The following UBA7 variants were observed in gnomAD, a reference collection of about 807,000 sequenced individuals.
The protein encoded by UBA7 is ubiquitin like modifier activating enzyme 7.
UBA7 carries 88 observed loss-of-function variants against 113.0 expected under a neutral mutation model. That is an observed-to-expected ratio of 0.78 (90% CI 0.66 to 0.93). The LOEUF (loss-of-function observed/expected upper bound fraction) is 0.93, where lower values mean the gene tolerates loss of function less well. UBA7 is among the 40% of genes least tolerant of loss of function. UBA7 has a pLI of 0.00. For missense variants in UBA7, 1,092 were observed against 1,266.4 expected, an observed-to-expected ratio of 0.86 and a Z score of 2.09; for synonymous variants, 459 against 513.0, an observed-to-expected ratio of 0.89 and a Z score of 1.42.
rs766684691 is a variant in UBA7 at position 49,809,758 on chromosome 3, C to T, written c.1905-33G>A. On this transcript the variant is annotated intron_variant, in intron 15 of 23. Transcript: ENST00000333486. ...GAGAGGAGGAAGTGTGAGACTGAGT[C>T]CTGCAGACTCATGCTTGGAGCCCTG... The T allele has an allele frequency of 2.8e-5, 45 of 1,613,948 alleles. 2 individuals carry two copies. The Middle Eastern group carries it at 4.9e-4, about 18-fold the overall frequency.
rs1393825445 is a variant in UBA7, at chr3:49,810,288, A to C, written c.1608T>G (p.Ala536=). The C allele has an allele frequency of 2.5e-6, 4 of 1,613,978 alleles. No homozygotes were observed. The African/African-American group carries it at 5.3e-5, about 22-fold the overall frequency. Residue 536 remains alanine, a synonymous_variant, in exon 13 of 24, where the codon GCT becomes GCG. Transcript: ENST00000333486. The surrounding 1 kb of genome is among the most constrained non-coding windows in gnomAD (Gnocchi z 5.6). ...GGGCCTGGAAACTGTCCAGGGCAGC[A>C]GCCACACCATCCACACGGGAGAAAA... ...DNFFSRVDGV[A]AALDSFQARR...
Position 49,806,173 on chromosome 3 carries a change from G to A in UBA7, c.2716-8C>T, listed in dbSNP as rs779494497. 6.3e-7 allele frequency: 1 copy of A among 1,584,830 alleles called. No homozygotes were observed. The highest frequency in any genetic ancestry group is 8.6e-7 in the Non-Finnish European group (1 of 1,165,820). On this transcript the variant is annotated splice_region_variant and splice_polypyrimidine_tract_variant and intron_variant, in intron 21 of 23. Transcript: ENST00000333486. ...CCACTTCAGGTGATGGAACTGGGAT[G>A]AGGTAGAGGAGGAGTCAGAGACTTC...
rs1247509020 is a variant in UBA7, at chr3:49,807,625, C to T, written c.2715+111G>A. On this transcript the variant is annotated intron_variant, in intron 21 of 23. Transcript: ENST00000333486. The surrounding 1 kb of genome is among the most constrained non-coding windows in gnomAD (Gnocchi z 4.0). The stretch of plus-strand genomic sequence containing the variant: ...GGGCTGGAGGGAGTCTTCAGGACTT[C>T]TGCACAGTCTGAGTTTCAGTGAGAG... 4 of 1,371,474 alleles carry T rather than the reference C, an allele frequency of 2.9e-6. No homozygotes were observed. Among genetic ancestry groups the T allele is most frequent in the Non-Finnish European group, 3.9e-6 (4 of 1,016,458 alleles). 85.0% of individuals were successfully genotyped at this position (1,371,474 alleles called of 1,614,324 possible). A position where few individuals can be genotyped will look rare whatever the true frequency, so the allele number is the denominator to read the frequency against.
At chr3:49,813,007 C>G in intron 4 of UBA7, 55 bp downstream of exon 4, 1 of 1,578,694 alleles carries the variant, frequency 6.3e-7, no homozygotes, top group Non-Finnish European at 8.6e-7. Flanking sequence ...CTGAGGACAG[C>G]ATGAGGCCAG....
In UBA7 at chr3:49,808,109, C is replaced by T. The variant is rs1474236678; in HGVS notation, c.2434G>A (p.Asp812Asn). ...AAGTCCACATGGAAGTTGCTGTCAT[C>T]ATCCTGTAAGGCCCAAGTCAAAGTA... is the stretch of plus-strand genomic sequence containing the variant. ...PLKPLMFEKD[D>N]DSNFHVDFVV... Residue 812 changes from aspartate (D) to asparagine (N), a missense_variant, in exon 20 of 24, where the codon GAT becomes AAT. Physicochemically the swap from Asp to Asn is conservative, Grantham distance 23. Coordinates refer to ENST00000333486, the MANE Select transcript of UBA7 (RefSeq NM_003335.3). 1 of 1,613,920 alleles carries T rather than the reference C, an allele frequency of 6.2e-7. No homozygotes were observed. Among genetic ancestry groups the T allele is most frequent in the East Asian group, 2.2e-5 (1 of 44,876 alleles).
chr3:49,809,385 C>T lies in UBA7; in HGVS notation c.2163+5G>A, dbSNP rs367942532. On this transcript the variant is annotated splice_donor_5th_base_variant and intron_variant, in intron 17 of 23. Coordinates refer to ENST00000333486, the MANE Select transcript of UBA7 (RefSeq NM_003335.3). ...TCTTGGAGCTCCCTACAGAATCCCA[C>T]TCACTTGGTTGGTGTCAAACTCCAA... 3.7e-6 allele frequency: 6 copies of T among 1,613,746 alleles called. No homozygotes were observed. Among genetic ancestry groups the T allele is most frequent in the Non-Finnish European group, 5.1e-6 (6 of 1,179,830 alleles).
chr3:49,806,189 C>T (rs373230446), intron 21 of UBA7, 24 bp from the exon 22 acceptor site: 1 of 1,562,646 alleles, frequency 6.4e-7, no homozygotes, highest in Non-Finnish European at 8.7e-7. Flanking sequence ...GAGGAGGAGT[C>T]AGAGACTTCT....
At position 49,809,688 on chromosome 3, in the gene UBA7, T is replaced by C. The variant is rs767125481; in HGVS notation, c.1942A>G (p.Thr648Ala). 1 of 1,614,052 alleles carries C rather than the reference T, an allele frequency of 6.2e-7. No homozygotes were observed. The highest frequency in any genetic ancestry group is 1.7e-5 in the Admixed American group (1 of 60,016). ...TSLADMDEPQ[T>A]LTLLKPVLGV... Reference sequence around the variant, plus strand: ...AGCACTGGCTTCAGTAAGGTGAGTGTCTGTGGCTCATCCATGTCTGCCAGG... The same window carrying C: ...AGCACTGGCTTCAGTAAGGTGAGTGCCTGTGGCTCATCCATGTCTGCCAGG... Residue 648 changes from threonine to alanine, a missense_variant, in exon 16 of 24, where the codon ACA becomes GCA. Around this residue, in one of 3 missense-constraint regions of UBA7, gnomAD observed 500 missense variants for 529.3 expected, o/e 0.94. Coordinates refer to ENST00000333486, the MANE Select transcript of UBA7 (RefSeq NM_003335.3).
chr3:49,811,523 G>T (rs1379894377), intron 8 of UBA7, 68 bp from the exon 9 acceptor site: 1 of 1,536,732 alleles, frequency 6.5e-7, no homozygotes, highest in East Asian at 2.4e-5. Context: ...AATCCTTCCA[G>T]CCACCCTCCA....
At chr3:49,809,332 A>G (rs998387141) in intron 17 of UBA7, 58 bp downstream of exon 17, 8 of 1,588,566 alleles carry the variant, frequency 5.0e-6, no homozygotes, top group African/African-American at 1.3e-5. Context: ...AGAAATGCCT[A>G]CCTCTGCTCT....
At chr3:49,811,600 G>A (rs1336419833) in intron 8 of UBA7, 145 bp from the exon 9 acceptor site, 3 of 1,246,382 alleles carry the variant, frequency 2.4e-6, no homozygotes, top group African/African-American at 1.5e-5. Context: ...CTGCCAGCCT[G>A]CACAGCACCA....
In UBA7 at chr3:49,808,002, C is replaced by T; in HGVS notation, c.2523+18G>A. ...TTGCCCTCCACCTCCAGGCCCAAGCCTCAAGGGGTGGGGTTACCTGGGCAC... is the reference window on the plus strand; with the variant it reads ...TTGCCCTCCACCTCCAGGCCCAAGCTTCAAGGGGTGGGGTTACCTGGGCAC... On this transcript the variant is annotated intron_variant, in intron 20 of 23. Transcript: ENST00000333486. The T allele has an allele frequency of 2.5e-6, 4 of 1,614,134 alleles. No homozygotes were observed. The highest frequency in any genetic ancestry group is 3.4e-6 in the Non-Finnish European group (4 of 1,179,988).
rs2081473143 is a variant in UBA7, at chr3:49,807,534, G to A, written c.2715+202C>T. ...AGATCCTGGGCTTTGGAGGATTGGG[G>A]GTGGGGATGGCTGACGGCTGCTTCC... On this transcript the variant is annotated intron_variant, in intron 21 of 23. Transcript: ENST00000333486. The surrounding 1 kb of genome is among the most constrained non-coding windows in gnomAD (Gnocchi z 4.0). Among the ~76,000 whole-genome samples, 1 of 152,196 alleles carries A rather than the reference G, an allele frequency of 6.6e-6. No individual in the cohort carries two copies.
intron 18 of UBA7, 67 bp downstream of exon 18, chr3:49,808,909 A>G (rs2081497068): frequency 2.5e-5 from 39 of 1,545,726 alleles, no homozygotes; most frequent in Non-Finnish European, 3.4e-5. Flanking sequence ...TCTGCAGCAC[A>G]GGCTGAGGAC....
Position 49,810,368 on chromosome 3 carries a change from T to G in UBA7, c.1528A>C (p.Ile510Leu). 16 of 1,614,118 alleles carry G rather than the reference T, an allele frequency of 9.9e-6. No homozygotes were observed. Among genetic ancestry groups the G allele is most frequent in the Non-Finnish European group, 1.3e-5 (15 of 1,180,018 alleles). Residue 510 changes from isoleucine (I) to leucine (L), a missense_variant, in exon 13 of 24, where the codon ATC becomes CTC. Around this residue, in one of 3 missense-constraint regions of UBA7, gnomAD observed 584 missense variants for 714.5 expected, o/e 0.82. Coordinates refer to ENST00000333486, the MANE Select transcript of UBA7 (RefSeq NM_003335.3). This position sits in a 1 kb window ranked among gnomAD's most constrained non-coding sequence, Gnocchi z 5.6. ...GGATCCAGTGGGTAGGTGAGCGGGA[T>G]CACCTGTAAGTCTGGGTTCAGGCCC... ...ARGLNPDLQVIPLTYPLDPTT... is the reference protein window; with the variant it reads ...ARGLNPDLQVLPLTYPLDPTT...
chr3:49,810,935 C>A lies in UBA7; in HGVS notation c.1230+49G>T. 1.2e-6 allele frequency: 2 copies of A among 1,611,624 alleles called. No individual in the cohort carries two copies. Among genetic ancestry groups the A allele is most frequent in the South Asian group, 1.1e-5 (1 of 90,996 alleles). ...TGGAGGGCATTCCTCATGCTTCTCCCCTAGTCCTGATTTTGGACAAGGCTT... is the reference window on the plus strand; with the variant it reads ...TGGAGGGCATTCCTCATGCTTCTCCACTAGTCCTGATTTTGGACAAGGCTT... On this transcript the variant is annotated intron_variant, in intron 10 of 23. Coordinates refer to ENST00000333486, the MANE Select transcript of UBA7 (RefSeq NM_003335.3). This position sits in a 1 kb window ranked among gnomAD's most constrained non-coding sequence, Gnocchi z 5.6.
chr3:49,808,190 G>A (rs1360028045), intron 19 of UBA7, 78 bp from the exon 20 acceptor site: 2 of 1,570,290 alleles, frequency 1.3e-6, no homozygotes, highest in African/African-American at 1.3e-5. Flanking sequence ...CACTGCACAA[G>A]TCTCCACACA....
rs761900523 is a variant in UBA7 at position 49,810,165 on chromosome 3, C to T, written c.1652G>A (p.Arg551His). 6.2e-6 allele frequency: 10 copies of T among 1,612,940 alleles called. No homozygotes were observed. In the South Asian group the frequency reaches 6.6e-5, roughly 11 times the overall value. Residue 551 changes from arginine to histidine, a missense_variant, in exon 14 of 24, where the codon CGT becomes CAT. Physicochemically the swap from Arg to His is conservative, Grantham distance 29 (BLOSUM62 0). Coordinates refer to ENST00000333486, the MANE Select transcript of UBA7 (RefSeq NM_003335.3). This position sits in a 1 kb window ranked among gnomAD's most constrained non-coding sequence, Gnocchi z 5.6. ...CAGTGGCTTCAGATAGTGGGTGCAA[C>T]GAGCAGCCACATAGCGCCCTGGCAA... Reference protein sequence around the residue: ...SFQARRYVAARCTHYLKPLLE... With the variant: ...SFQARRYVAAHCTHYLKPLLE...
rs749925052 is a variant in UBA7 at position 49,813,078 on chromosome 3, T to C, written c.451A>G (p.Thr151Ala). The C allele has an allele frequency of 2.0e-5, 32 of 1,613,362 alleles. No individual in the cohort carries two copies. Among genetic ancestry groups the C allele is most frequent in the Non-Finnish European group, 2.7e-5 (32 of 1,179,934 alleles). The change falls in exon 4 of 24, where the codon ACC becomes GCC. Residue 151 changes from threonine (T) to alanine (A), a missense_variant. Physicochemically the swap from Thr to Ala is moderately conservative, Grantham distance 58 (BLOSUM62 0). Coordinates refer to ENST00000333486, the MANE Select transcript of UBA7 (RefSeq NM_003335.3). ...KHGVCFLAAD[T>A]RGLVGQLFCD... Reference sequence around the variant, plus strand: ...CTTACTCACCCCACGAGGCCCCGGGTGTCAGCCGCCAGAAAGCAAACTCCA... The same window carrying C: ...CTTACTCACCCCACGAGGCCCCGGGCGTCAGCCGCCAGAAAGCAAACTCCA...
Sources: gnomAD v4.1 joint callset for allele counts (sites outside exome capture counted in the v4.1 genomes callset) on GRCh38, gnomAD v4.1.1 for gene constraint, gnomAD v4.1.1 regional missense constraint, Gnocchi (gnomAD v3.1) non-coding constraint, MANE v1.5 for transcripts, NCBI Gene and HGNC (gene_info 2026-07-23, HGNC 2026-07-21) for gene names.